TTYH3: variants seen among roughly 807,000 people sequenced by gnomAD.
The protein encoded by TTYH3 is tweety family member 3, also known as protein tweety homolog 3.
Under a neutral mutation model 68.2 loss-of-function variants are expected in TTYH3, and 23 were observed. The ratio of observed to expected loss-of-function variants is 0.34; its 90% CI spans 0.24 to 0.48. The LOEUF (loss-of-function observed/expected upper bound fraction) is 0.48. Among genes scored for constraint, TTYH3 ranks in the 20% least tolerant of loss-of-function variants. The pLI is 0.99. For missense variants in TTYH3, 768 were observed against 727.7 expected, an observed-to-expected ratio of 1.06 and a Z score of -0.64; for synonymous variants, 360 against 332.8, an observed-to-expected ratio of 1.08 and a Z score of -0.89.
At chr7:2,637,156 C>T (rs1324219248) in intron 1 of TTYH3, among the ~76,000 whole-genome samples, 2 of 151,862 alleles carry the variant, frequency 1.3e-5, no homozygotes, top group African/African-American at 4.8e-5. Flanking sequence ...TAGGACCCCT[C>T]TTCTGGGCAT....
chr7:2,660,554 A>C, intron 13 of TTYH3: 1 of 984,230 alleles, frequency 1.0e-6, no homozygotes, highest in Non-Finnish European at 1.2e-6. Flanking sequence ...CGTCCCGTCC[A>C]GTCCCGCCCC....
At chr7:2,659,497 T>C (rs1246587400) in intron 13 of TTYH3, among the ~76,000 whole-genome samples, 2 of 152,350 alleles carry the variant, frequency 1.3e-5, no homozygotes, top group South Asian at 2.1e-4. Flanking sequence ...CCTTTTCTTT[T>C]TCTTCCTTGA....
chr7:2,645,744 T>G lies in TTYH3; in HGVS notation c.124-1109T>G. 2.1e-6 allele frequency: 1 copy of G among 470,472 alleles called. No homozygotes were observed. The highest frequency in any genetic ancestry group is 1.6e-5 in the South Asian group (1 of 64,480). The allele number at this position is 470,472 out of a possible 1,614,324, so 29.1% of individuals were successfully genotyped here. ...ACCCCAGACAGGATCAGACTCCTGATGGGGCCTCTTCCATGTTCACCCCTC... is the reference window on the plus strand; with the variant it reads ...ACCCCAGACAGGATCAGACTCCTGAGGGGGCCTCTTCCATGTTCACCCCTC... On this transcript the variant is annotated intron_variant, in intron 1 of 13. Transcript: ENST00000258796. The surrounding 1 kb of genome is among the most constrained non-coding windows in gnomAD (Gnocchi z 4.8).
chr7:2,636,369 CGT>C (rs1265490267), intron 1 of TTYH3, among the ~76,000 whole-genome samples: 1 of 152,112 alleles, frequency 6.6e-6, no homozygotes, highest in African/African-American at 2.4e-5. Context: ...GAGACAGAAG[CGT>C]CCCTCCAGCT....
chr7:2,638,237 T>C (rs867714003), intron 1 of TTYH3, among the ~76,000 whole-genome samples: 7 of 152,112 alleles, frequency 4.6e-5, no homozygotes, highest in African/African-American at 1.7e-4. Context: ...TGCAGAGGGC[T>C]GCAGACAAGT....
intron 1 of TTYH3, among the ~76,000 whole-genome samples, chr7:2,643,348 C>G (rs1785902487): frequency 7.8e-6 from 1 of 128,782 alleles, no homozygotes; most frequent in Admixed American, 7.7e-5. Context: ...GAGCGAGACT[C>G]TGTCTCAAAA....
Position 2,635,403 on chromosome 7 carries a change from C to T in TTYH3, c.123+3125C>T, listed in dbSNP as rs1291321947. ...TTTATTCGGGGGAGGCCTGCCTGCT[C>T]AGCTCCCACCAGCCCTTTGTGACCC... On this transcript the variant is annotated intron_variant, in intron 1 of 13. Transcript: ENST00000258796. Among the ~76,000 whole-genome samples the T allele has an allele frequency of 3.3e-5, 5 of 152,228 alleles. No homozygotes were observed. The South Asian group carries it at 8.3e-4, about 25-fold the overall frequency.
chr7:2,647,065 G>A (rs1786008757), intron 2 of TTYH3, 43 bp downstream of exon 2: 2 of 1,530,390 alleles, frequency 1.3e-6, no homozygotes, highest in African/African-American at 2.7e-5. Context: ...GCCAGAGGGG[G>A]CGGCCCGAGG....
intron 1 of TTYH3, 117 bp from the exon 2 acceptor site, chr7:2,646,736 T>A: frequency 8.5e-7 from 1 of 1,178,958 alleles, no homozygotes; most frequent in Non-Finnish European, 1.2e-6. Flanking sequence ...GGGGCCCACC[T>A]CCCAGGGCTG....
rs113039251 is a variant in TTYH3 at position 2,645,283 on chromosome 7, T to G, written c.124-1570T>G. ...TATGCTGAATCCAGGGACCTGGGGT[T>G]GCAGGGCCTGTGTGCTTTCTCTGTA... On this transcript the variant is annotated intron_variant, in intron 1 of 13. Transcript: ENST00000258796. The surrounding 1 kb of genome is among the most constrained non-coding windows in gnomAD (Gnocchi z 4.8). Among the ~76,000 whole-genome samples the G allele has an allele frequency of 0.026, 3,909 of 152,288 alleles. 73 individuals carry two copies. Among genetic ancestry groups the G allele is most frequent in the Non-Finnish European group, 0.041 (2,807 of 68,004 alleles).
At chr7:2,656,298 T>C in intron 10 of TTYH3, 100 bp from the exon 11 acceptor site, 1 of 1,565,592 alleles carries the variant, frequency 6.4e-7, no homozygotes, top group Admixed American at 1.7e-5. Flanking sequence ...GCCCTGCCTC[T>C]GGGGGGCGGT....
At chr7:2,655,859 G>T (rs1001753264) in intron 9 of TTYH3, among the ~76,000 whole-genome samples, 1 of 152,180 alleles carries the variant, frequency 6.6e-6, no homozygotes, top group Non-Finnish European at 1.5e-5. Context: ...GGCGCTTCTG[G>T]GTCCTCATGT....
intron 8 of TTYH3, among the ~76,000 whole-genome samples, chr7:2,652,600 C>T (rs900923328): frequency 1.3e-5 from 2 of 152,208 alleles, no homozygotes; most frequent in Non-Finnish European, 2.9e-5. Context: ...GTCGGCCGCA[C>T]CAGCTGGTCA....
At position 2,662,002 on chromosome 7, in the gene TTYH3, C is replaced by T. The variant is rs1053092549; in HGVS notation, c.*263C>T. 6.8e-5 allele frequency: 40 copies of T among 588,716 alleles called. No homozygotes were observed. Among genetic ancestry groups the T allele is most frequent in the South Asian group, 4.4e-4 (22 of 50,330 alleles). 36.5% of individuals were successfully genotyped at this position (588,716 alleles called of 1,614,324 possible). The stretch of plus-strand genomic sequence containing the variant: ...CAGCCCTGCACGCCACCCACTATCC[C>T]GGCACGCTCCCTCTGCAGATGGTCG... On this transcript the variant is annotated 3_prime_UTR_variant, in exon 14 of 14. Coordinates refer to ENST00000258796, the MANE Select transcript of TTYH3 (RefSeq NM_025250.3).
chr7:2,649,870 C>A, intron 6 of TTYH3, 43 bp from the exon 7 acceptor site: 1 of 1,608,866 alleles, frequency 6.2e-7, no homozygotes, highest in Non-Finnish European at 8.5e-7. Context: ...TCCCTTTAGG[C>A]CCAGCTTGGT....
chr7:2,663,378 A>G lies in TTYH3; in HGVS notation c.*1639A>G, dbSNP rs1743850374. ...GCTCTGCCCTGGCCTTCCTCTGTGA[A>G]CCCCTCCTTTCTTTGTGCTGGTGTC... On this transcript the variant is annotated 3_prime_UTR_variant, in exon 14 of 14. Coordinates refer to ENST00000258796, the MANE Select transcript of TTYH3 (RefSeq NM_025250.3). The G allele has an allele frequency of 6.6e-6, 1 of 152,500 alleles. No individual in the cohort carries two copies. The highest frequency in any genetic ancestry group is 1.5e-5 in the Non-Finnish European group (1 of 68,036). The allele number at this position is 152,500 out of a possible 1,614,324, so 9.4% of individuals were successfully genotyped here. A position where few individuals can be genotyped will look rare whatever the true frequency, so the allele number is the denominator to read the frequency against.
intron 9 of TTYH3, among the ~76,000 whole-genome samples, chr7:2,654,971 A>G (rs895921541): frequency 2.0e-5 from 3 of 151,832 alleles, no homozygotes; most frequent in Admixed American, 1.3e-4. Context: ...CACCCGTCCC[A>G]TGGGGCTAGG....
chr7:2,643,501 C>T (rs1225131139), intron 1 of TTYH3, among the ~76,000 whole-genome samples: 1 of 152,232 alleles, frequency 6.6e-6, no homozygotes, highest in East Asian at 1.9e-4. Flanking sequence ...CACCACCCTG[C>T]AGGCGGCGCC....
In TTYH3 at chr7:2,645,691, C is replaced by T. The variant is rs1785960389; in HGVS notation, c.124-1162C>T. On this transcript the variant is annotated intron_variant, in intron 1 of 13. Transcript: ENST00000258796. This position sits in a 1 kb window ranked among gnomAD's most constrained non-coding sequence, Gnocchi z 4.8. ...GGGGGCACGCCATGGACGGTGCCCA[C>T]CCCTGAGTGCAGCTTCTCGGTGCAC... 2.3e-6 allele frequency: 1 copy of T among 432,814 alleles called. No individual in the cohort carries two copies. Among genetic ancestry groups the T allele is most frequent in the Non-Finnish European group, 4.8e-6 (1 of 207,092 alleles). The allele number at this position is 432,814 out of a possible 1,614,324, so 26.8% of individuals were successfully genotyped here.
Sources: allele counts gnomAD v4.1 joint callset (sites outside exome capture counted in the v4.1 genomes callset), GRCh38; gene constraint gnomAD v4.1.1; non-coding constraint Gnocchi (gnomAD v3.1); transcripts MANE v1.5; gene names NCBI Gene and HGNC (gene_info 2026-07-23, HGNC 2026-07-21).